The following BMPER variants were observed in gnomAD, a reference collection of about 807,000 sequenced individuals.
BMPER encodes BMP-binding endothelial regulator protein.
In BMPER, 45 loss-of-function variants were observed where a neutral mutation model predicts 87.3. That is an observed-to-expected ratio of 0.52 (90% CI 0.41 to 0.66). BMPER has a LOEUF of 0.66. BMPER is among the 30% of genes least tolerant of loss of function. BMPER has a pLI of 0.00. For synonymous variants in BMPER, 326 were observed against 316.2 expected, an observed-to-expected ratio of 1.03 and a Z score of -0.33; for missense variants, 784 against 867.5, an observed-to-expected ratio of 0.90 and a Z score of 1.21.
At chr7:33,964,735 T>C (rs1785361573) in intron 3 of BMPER, among the ~76,000 whole-genome samples, 1 of 152,216 alleles carries the variant, frequency 6.6e-6, no homozygotes, top group Non-Finnish European at 1.5e-5. Flanking sequence ...TGTAGCACAC[T>C]TCCTCCTCTA....
intron 3 of BMPER, chr7:33,937,589 C>G: frequency 1.7e-6 from 1 of 596,176 alleles, no homozygotes; most frequent in South Asian, 1.9e-5. Context: ...GAAGGGGGCT[C>G]TCCTGGAGGA....
chr7:33,976,363 G>A (rs1197118431), intron 6 of BMPER, among the ~76,000 whole-genome samples: 1 of 152,066 alleles, frequency 6.6e-6, no homozygotes, highest in Non-Finnish European at 1.5e-5. Flanking sequence ...ATGTCAGCCA[G>A]GCTGGTCTCG....
chr7:34,125,414 C>T (rs1376443737), intron 13 of BMPER, among the ~76,000 whole-genome samples: 4 of 152,116 alleles, frequency 2.6e-5, no homozygotes, highest in Non-Finnish European at 5.9e-5. Flanking sequence ...TGCTGTCTTT[C>T]AGTATTTTCA....
chr7:33,927,172 A>G (rs1449931583), intron 2 of BMPER, among the ~76,000 whole-genome samples: 1 of 152,230 alleles, frequency 6.6e-6, no homozygotes, highest in Non-Finnish European at 1.5e-5. Flanking sequence ...AGCTCCATTT[A>G]CTTGTCAAGA....
chr7:34,137,850 A>AATT (rs1790759144), intron 13 of BMPER, among the ~76,000 whole-genome samples: 1 of 152,188 alleles, frequency 6.6e-6, no homozygotes, highest in South Asian at 2.1e-4. Flanking sequence ...AGGAACCTTG[A>AATT]ATTTGATGCC....
chr7:33,987,064 G>A (rs1786031470), intron 6 of BMPER, among the ~76,000 whole-genome samples: 2 of 151,950 alleles, frequency 1.3e-5, no homozygotes, highest in African/African-American at 4.8e-5. Context: ...CGATAGCCTG[G>A]TATTAGTAAA....
chr7:34,092,759 T>G (rs1789422175), intron 13 of BMPER, among the ~76,000 whole-genome samples: 1 of 152,216 alleles, frequency 6.6e-6, no homozygotes. Flanking sequence ...AGTCCAATTT[T>G]CTTGGAGCCC....
intron 6 of BMPER, among the ~76,000 whole-genome samples, chr7:33,991,804 C>T (rs1336541407): frequency 6.8e-5 from 10 of 147,984 alleles, no homozygotes; most frequent in Non-Finnish European, 1.2e-4. Flanking sequence ...CCCAGAGATT[C>T]TGGTATGTTG....
intron 3 of BMPER, among the ~76,000 whole-genome samples, chr7:33,945,025 T>C (rs1784852899): frequency 6.6e-6 from 1 of 152,048 alleles, no homozygotes; most frequent in Admixed American, 6.5e-5. Flanking sequence ...CACTGCAAGC[T>C]CCACCTCCTG....
intron 13 of BMPER, among the ~76,000 whole-genome samples, chr7:34,129,630 G>GAAAGAAAGAAAGAAAGAAAGAA (rs1336596665): frequency 6.4e-4 from 36 of 56,310 alleles, no homozygotes; most frequent in Non-Finnish European, 9.7e-4. Flanking sequence ...GAGAGAAAGA[G>GAAAGAAAGAAAGAAAGAAAGAA]AGAAAGAAAG....
chr7:33,984,004 T>G (rs1410613005), intron 6 of BMPER, among the ~76,000 whole-genome samples: 3 of 152,174 alleles, frequency 2.0e-5, no homozygotes, highest in African/African-American at 7.2e-5. Context: ...GTCTCCATAA[T>G]GCCAGTGTGA....
intron 13 of BMPER, among the ~76,000 whole-genome samples, chr7:34,123,955 A>G (rs576333624): frequency 1.3e-5 from 2 of 152,264 alleles, no homozygotes; most frequent in African/African-American, 4.8e-5. Context: ...TTAATTATCC[A>G]TGGGGCACAG....
At chr7:34,009,732 A>T (rs535372955) in intron 6 of BMPER, among the ~76,000 whole-genome samples, 2 of 151,934 alleles carry the variant, frequency 1.3e-5, no homozygotes, top group Non-Finnish European at 2.9e-5. Context: ...ACTATTGTCA[A>T]CTAAGGCTAA....
intron 2 of BMPER, among the ~76,000 whole-genome samples, chr7:33,933,144 T>C (rs997537510): frequency 2.8e-4 from 43 of 152,350 alleles, no homozygotes; most frequent in African/African-American, 8.9e-4. Context: ...CAAATCCTTA[T>C]AGAGCTTTGT....
At chr7:33,994,747 A>G (rs990741357) in intron 6 of BMPER, among the ~76,000 whole-genome samples, 7 of 152,102 alleles carry the variant, frequency 4.6e-5, no homozygotes, top group Non-Finnish European at 8.8e-5. Flanking sequence ...ACAAAAGGCC[A>G]TTGTCCTGGG....
Position 34,153,105 on chromosome 7 carries a change from G to C in BMPER, c.1890G>C (p.Lys630Asn), listed in dbSNP as rs747962494. 2 of 1,613,972 alleles carry C rather than the reference G, an allele frequency of 1.2e-6. No individual in the cohort carries two copies. Residue 630 changes from lysine to asparagine, a missense_variant, in exon 15 of 15, where the codon AAG becomes AAC. Transcript: ENST00000649409. ...TCTCTTTTTCAGCCACCCAGTGTAA[G>C]CATGGTGCTGTGTACGATACCTGTG... Reference protein sequence around the residue: ...PQQNCAATQCKHGAVYDTCGP... With the variant: ...PQQNCAATQCNHGAVYDTCGP...
intron 13 of BMPER, among the ~76,000 whole-genome samples, chr7:34,090,060 C>G (rs975924542): frequency 6.6e-6 from 1 of 152,130 alleles, no homozygotes; most frequent in Non-Finnish European, 1.5e-5. Context: ...CTTTAATTAA[C>G]TAACTGAATA....
chr7:34,036,241 C>T (rs980116744), intron 6 of BMPER, among the ~76,000 whole-genome samples: 1 of 152,112 alleles, frequency 6.6e-6, no homozygotes, highest in Non-Finnish European at 1.5e-5. Context: ...AAAGTTTGAA[C>T]TTTGATAAAA....
In BMPER at chr7:34,126,229, G is replaced by C. The variant is rs188626241; in HGVS notation, c.1746-17001G>C. Among the ~76,000 whole-genome samples, 585 of 152,324 alleles carry C rather than the reference G, an allele frequency of 3.8e-3. 15 individuals are homozygous for C. The highest frequency in any genetic ancestry group is 0.035 in the Admixed American group (529 of 15,296). ...GTTAGCCTGGAAGATTGTTCCAGATGATGAGCATGGCATTTTTAAGGAAAA... is the reference window on the plus strand; with the variant it reads ...GTTAGCCTGGAAGATTGTTCCAGATCATGAGCATGGCATTTTTAAGGAAAA... On this transcript the variant is annotated intron_variant, in intron 13 of 14. Transcript: ENST00000649409.
Sources: gnomAD v4.1 joint callset for allele counts (sites outside exome capture counted in the v4.1 genomes callset) on GRCh38, gnomAD v4.1.1 for gene constraint, MANE v1.5 for transcripts, NCBI Gene and HGNC (gene_info 2026-07-23, HGNC 2026-07-21) for gene names.